CECR2: variants seen among roughly 807,000 people sequenced by gnomAD.
CECR2 encodes CECR2 histone acetyl-lysine reader.
In CECR2, 30 loss-of-function variants were observed where a neutral mutation model predicts 154.5. The observed-to-expected ratio is 0.19, with a 90% CI of 0.15 to 0.26. The LOEUF (loss-of-function observed/expected upper bound fraction) is 0.26. CECR2 is among the 10% of genes least tolerant of loss of function. CECR2 has a pLI of 1.00. For missense variants in CECR2, 1,743 were observed against 1,829.3 expected (o/e 0.95, Z 0.86); for synonymous variants, 725 against 683.7 (o/e 1.06, Z -0.94).
At chr22:17,541,144 G>A (rs1279512589) in intron 14 of CECR2, among the ~76,000 whole-genome samples, 1 of 151,998 alleles carries the variant, frequency 6.6e-6, no homozygotes, top group Non-Finnish European at 1.5e-5. Flanking sequence ...CTCAATGTGG[G>A]CAAAAATTGG....
intron 2 of CECR2, among the ~76,000 whole-genome samples, chr22:17,488,814 G>A (rs1424731752): frequency 6.6e-6 from 1 of 152,124 alleles, no homozygotes; most frequent in East Asian, 1.9e-4. Context: ...TTTCTCTTGG[G>A]AATTGCTGGC....
chr22:17,395,514 T>C (rs1372290887), intron 1 of CECR2, among the ~76,000 whole-genome samples: 2 of 151,910 alleles, frequency 1.3e-5, no homozygotes, highest in Non-Finnish European at 2.9e-5. Flanking sequence ...TGGGCTAATT[T>C]TTGTATTTTT....
chr22:17,500,027 C>T (rs1353481082), intron 4 of CECR2, among the ~76,000 whole-genome samples: 3 of 151,938 alleles, frequency 2.0e-5, no homozygotes, highest in African/African-American at 4.8e-5. Flanking sequence ...CTGGCTAATA[C>T]GGTGAAACCC....
chr22:17,443,496 G>A (rs1312151856), intron 1 of CECR2, among the ~76,000 whole-genome samples: 2 of 152,134 alleles, frequency 1.3e-5, no homozygotes, highest in Non-Finnish European at 2.9e-5. Context: ...GCAGGGAGGA[G>A]ACAAGATCAT....
intron 2 of CECR2, 76 bp from the exon 3 acceptor site, chr22:17,497,327 T>C: frequency 2.9e-6 from 4 of 1,364,650 alleles, no homozygotes; most frequent in South Asian, 2.8e-5. Flanking sequence ...AGATCATGAG[T>C]TCTCTCTCTC....
intron 14 of CECR2, among the ~76,000 whole-genome samples, chr22:17,541,323 G>A (rs34804085): frequency 0.1 from 15,760 of 152,052 alleles, 1,173 homozygotes; most frequent in Non-Finnish European, 0.15. Flanking sequence ...GTGTGGTGGC[G>A]CTACTCAGCT....
At chr22:17,478,988 A>G (rs978417774) in intron 2 of CECR2, among the ~76,000 whole-genome samples, 2 of 151,928 alleles carry the variant, frequency 1.3e-5, no homozygotes, top group Non-Finnish European at 2.9e-5. Flanking sequence ...TTAATTCCAC[A>G]TTTTCATAAC....
rs916991573 is a variant in CECR2 at position 17,554,962 on chromosome 22, CT to C, written c.*2125del. 3 of 152,380 alleles carry C rather than the reference CT, an allele frequency of 2.0e-5. No individual in the cohort carries two copies. The highest frequency in any genetic ancestry group is 4.4e-5 in the Non-Finnish European group (3 of 68,070). 9.4% of individuals were successfully genotyped at this position (152,380 alleles called of 1,614,324 possible). On this transcript the variant is annotated 3_prime_UTR_variant, in exon 19 of 19. Transcript: ENST00000262608. Reference sequence around the variant, plus strand: ...CCCAGAGAATTTGGCCACTGACAGCCTTTCTCTTTTCCTGGTAATGCTGGTT... The same window carrying C: ...CCCAGAGAATTTGGCCACTGACAGCCTTCTCTTTTCCTGGTAATGCTGGTT...
chr22:17,469,598 T>G (rs1456639133), intron 1 of CECR2, among the ~76,000 whole-genome samples: 48 of 138,070 alleles, frequency 3.5e-4, no homozygotes, highest in African/African-American at 1.3e-3. Flanking sequence ...ACATTGTTTT[T>G]TTTTTTTTTT....
At chr22:17,517,806 C>T (rs2056085259) in intron 8 of CECR2, among the ~76,000 whole-genome samples, 1 of 152,218 alleles carries the variant, frequency 6.6e-6, no homozygotes, top group African/African-American at 2.4e-5. Context: ...ACACCGAAGT[C>T]ATCGTACATA....
chr22:17,428,421 C>T (rs2054364223), intron 1 of CECR2: 1 of 152,048 alleles, frequency 6.6e-6, no homozygotes, highest in Admixed American at 6.6e-5. Context: ...TCAGAGTGCA[C>T]AGTACTTACA....
chr22:17,477,195 A>G (rs917646684), intron 1 of CECR2: 1 of 714,640 alleles, frequency 1.4e-6, no homozygotes. Context: ...AAACAATTAC[A>G]TGAGCACTCC....
At chr22:17,435,958 T>C (rs1195083111) in intron 1 of CECR2, among the ~76,000 whole-genome samples, 5 of 152,144 alleles carry the variant, frequency 3.3e-5, no homozygotes, top group African/African-American at 1.2e-4. Context: ...CTTCTTTCTT[T>C]CCCTTCCTCC....
rs138106693 is a variant in CECR2 at position 17,480,560 on chromosome 22, C to T, written c.221+2878C>T. 5.4e-3 allele frequency among the ~76,000 whole-genome samples: 818 copies of T among 152,156 alleles called. 9 individuals carry two copies. The highest frequency in any genetic ancestry group is 0.025 in the South Asian group (119 of 4,814). On this transcript the variant is annotated intron_variant, in intron 2 of 18. Transcript: ENST00000262608. ...CCTGGACAAGAAAGAACACTACAAT[C>T]TACTTTACTTTTTTCCCTGAAGGGA...
intron 7 of CECR2, among the ~76,000 whole-genome samples, chr22:17,505,835 CTTTTT>C (rs3994825): frequency 1.2e-5 from 1 of 84,552 alleles, no homozygotes; most frequent in Middle Eastern, 7.6e-3. Context: ...CTGCACCCGG[CTTTTT>C]TTTTTTTTTT....
At position 17,540,806 on chromosome 22, in the gene CECR2, G is replaced by A; in HGVS notation, c.1884+6G>A. The A allele has an allele frequency of 6.5e-7, 1 of 1,544,108 alleles. No homozygotes were observed. ...CACCCTTTTTAAACCAGATGGTAAG[G>A]AATAGAGTGGAGACTGTTGCGGTTT... On this transcript the variant is annotated splice_donor_region_variant and intron_variant, in intron 14 of 18. Coordinates refer to ENST00000262608, the MANE Select transcript of CECR2 (RefSeq NM_001290047.2).
intron 2 of CECR2, among the ~76,000 whole-genome samples, chr22:17,484,619 G>C (rs893530584): frequency 2.6e-5 from 4 of 152,048 alleles, no homozygotes; most frequent in African/African-American, 9.7e-5. Flanking sequence ...TTTTAAAGGA[G>C]GTCTGGCGCA....
intron 1 of CECR2, among the ~76,000 whole-genome samples, chr22:17,411,872 TATATA>T (rs2054073027): frequency 6.6e-6 from 1 of 152,172 alleles, no homozygotes; most frequent in African/African-American, 2.4e-5. Flanking sequence ...TTAAAGGTAA[TATATA>T]ATAAATGTTT....
chr22:17,421,409 A>T (rs1009847500), intron 1 of CECR2, among the ~76,000 whole-genome samples: 4 of 151,976 alleles, frequency 2.6e-5, no homozygotes, highest in Admixed American at 2.0e-4. Flanking sequence ...AGGTCAGGAG[A>T]TCGAGACCAT....
Sources: gnomAD v4.1 joint callset for allele counts (sites outside exome capture counted in the v4.1 genomes callset) on GRCh38, gnomAD v4.1.1 for gene constraint, MANE v1.5 for transcripts, NCBI Gene and HGNC (gene_info 2026-07-23, HGNC 2026-07-21) for gene names.